Variants in PRKACB observed in about 807,000 individuals in gnomAD.
PRKACB encodes cAMP-dependent protein kinase catalytic subunit beta.
PRKACB carries 16 observed loss-of-function variants against 51.4 expected under a neutral mutation model. The ratio of observed to expected loss-of-function variants is 0.31; its 90% confidence interval spans 0.21 to 0.47. The LOEUF is 0.47. Among genes scored for constraint, PRKACB ranks in the 20% least tolerant of loss-of-function variants. The pLI, the probability that PRKACB is intolerant of heterozygous loss-of-function variation, is 1.00. For missense variants in PRKACB, 309 were observed against 464.5 expected, an observed-to-expected ratio of 0.67 and a Z score of 3.08; for synonymous variants, 147 against 154.4, an observed-to-expected ratio of 0.95 and a Z score of 0.35.
At chr1:84,177,179 G>A (rs879600541) in intron 1 of PRKACB, among the ~76,000 whole-genome samples, 68 of 151,892 alleles carry the variant, frequency 4.5e-4, no homozygotes, top group Non-Finnish European at 8.4e-4. Context: ...ATAAATAAAA[G>A]ATAACTAAAA....
intron 1 of PRKACB, among the ~76,000 whole-genome samples, chr1:84,133,930 T>C (rs1202323579): frequency 6.6e-6 from 1 of 152,180 alleles, no homozygotes; most frequent in African/African-American, 2.4e-5. Flanking sequence ...TATCCTGAGC[T>C]CTTGTCCTGC....
At chr1:84,093,122 T>C (rs974930190) in intron 1 of PRKACB, among the ~76,000 whole-genome samples, 1 of 152,092 alleles carries the variant, frequency 6.6e-6, no homozygotes, top group African/African-American at 2.4e-5. Context: ...ATTTCCTTTA[T>C]GATTTGTGTT....
intron 1 of PRKACB, among the ~76,000 whole-genome samples, chr1:84,086,693 A>G (rs185066494): frequency 5.9e-5 from 9 of 152,350 alleles, no homozygotes; most frequent in Non-Finnish European, 2.9e-5. Context: ...TCTGTAATAA[A>G]GAACTTAGTC....
chr1:84,232,583 A>T (rs1675897117), intron 9 of PRKACB, among the ~76,000 whole-genome samples: 1 of 152,202 alleles, frequency 6.6e-6, no homozygotes, highest in East Asian at 1.9e-4. Flanking sequence ...TTGCTTTATG[A>T]ATCTGGGTGC....
intron 2 of PRKACB, chr1:84,181,765 T>G: frequency 7.1e-7 from 1 of 1,408,306 alleles, no homozygotes; most frequent in Non-Finnish European, 9.5e-7. Context: ...CCTCAGTTTA[T>G]CTATTCATTA....
chr1:84,086,278 G>C, intron 1 of PRKACB: 5 of 1,306,746 alleles, frequency 3.8e-6, no homozygotes, highest in Non-Finnish European at 5.5e-6. Context: ...TGGGACCCCA[G>C]TAGAACTTGG....
intron 5 of PRKACB, among the ~76,000 whole-genome samples, chr1:84,194,396 C>A (rs1219766842): frequency 2.6e-5 from 4 of 152,158 alleles, no homozygotes; most frequent in Non-Finnish European, 4.4e-5. Context: ...TACACTTGAA[C>A]AATTGCCAGT....
chr1:84,131,855 A>T (rs1304822454), intron 1 of PRKACB, among the ~76,000 whole-genome samples: 1 of 152,152 alleles, frequency 6.6e-6, no homozygotes, highest in Admixed American at 6.5e-5. Flanking sequence ...CCACACTTTC[A>T]TGGGTTTTGC....
At chr1:84,164,560 G>C in intron 1 of PRKACB, 1 of 1,402,436 alleles carries the variant, frequency 7.1e-7, no homozygotes, top group South Asian at 1.4e-5. Flanking sequence ...TTTGTCTGGT[G>C]GATTAAAGCT....
At chr1:84,169,348 A>G (rs1320332176) in intron 1 of PRKACB, among the ~76,000 whole-genome samples, 1 of 151,686 alleles carries the variant, frequency 6.6e-6, no homozygotes, top group African/African-American at 2.4e-5. Context: ...ACAAGAACCT[A>G]GAATGAAAAG....
intron 9 of PRKACB, among the ~76,000 whole-genome samples, chr1:84,234,818 A>G (rs1457476516): frequency 6.6e-6 from 1 of 151,956 alleles, no homozygotes; most frequent in South Asian, 2.1e-4. Flanking sequence ...ACTGTCTGGC[A>G]CTCCCTAGTG....
intron 1 of PRKACB, among the ~76,000 whole-genome samples, chr1:84,094,172 T>A (rs1288111493): frequency 6.6e-6 from 1 of 151,998 alleles, no homozygotes; most frequent in Non-Finnish European, 1.5e-5. Context: ...ATATTCCTGG[T>A]GTCACTGGAA....
chr1:84,165,113 T>A, intron 1 of PRKACB: 3 of 974,462 alleles, frequency 3.1e-6, no homozygotes, highest in East Asian at 2.7e-5. Context: ...CCACAGCTAC[T>A]GTGAATTATA....
chr1:84,234,607 A>G (rs1676410066), intron 9 of PRKACB, among the ~76,000 whole-genome samples: 1 of 152,156 alleles, frequency 6.6e-6, no homozygotes, highest in Non-Finnish European at 1.5e-5. Context: ...TGCAGGATAT[A>G]ATCTCCTGGT....
intron 1 of PRKACB, among the ~76,000 whole-genome samples, chr1:84,120,634 A>G (rs997160113): frequency 6.6e-6 from 1 of 152,144 alleles, no homozygotes; most frequent in Non-Finnish European, 1.5e-5. Context: ...TTTTCACTTC[A>G]TATGTTTACA....
chr1:84,089,603 C>A (rs1238805608), intron 1 of PRKACB, among the ~76,000 whole-genome samples: 3 of 152,142 alleles, frequency 2.0e-5, no homozygotes, highest in Non-Finnish European at 2.9e-5. Flanking sequence ...TTTCTCTATA[C>A]TCTAAGCTCT....
chr1:84,173,169 C>T, intron 1 of PRKACB, among the ~76,000 whole-genome samples: 1 of 151,508 alleles, frequency 6.6e-6, no homozygotes, highest in East Asian at 1.9e-4. Context: ...CAAAGAATTT[C>T]TTGTAATCCT....
At chr1:84,201,734 G>A (rs1452144604) in intron 7 of PRKACB, among the ~76,000 whole-genome samples, 1 of 152,096 alleles carries the variant, frequency 6.6e-6, no homozygotes, top group Non-Finnish European at 1.5e-5. Context: ...TCTGAGGGCA[G>A]AGCAATAGAT....
chr1:84,095,601 A>G (rs1441455746), intron 1 of PRKACB, among the ~76,000 whole-genome samples: 2 of 151,888 alleles, frequency 1.3e-5, no homozygotes, highest in African/African-American at 4.8e-5. Flanking sequence ...GCAGTTTCAC[A>G]ATATGCCTAG....
Sources: allele counts gnomAD v4.1 joint callset (sites outside exome capture counted in the v4.1 genomes callset), GRCh38; gene constraint gnomAD v4.1.1; transcripts MANE v1.5; gene names NCBI Gene and HGNC (gene_info 2026-07-23, HGNC 2026-07-21).